Variants in MYOM1 observed in about 807,000 individuals in gnomAD.
MYOM1 encodes myomesin 1.
In MYOM1, 164 loss-of-function variants were observed where a neutral mutation model predicts 205.3. The ratio of observed to expected loss-of-function variants is 0.80; its 90% CI spans 0.70 to 0.91. MYOM1 has a LOEUF of 0.91. MYOM1 is among the 40% of genes least tolerant of loss of function. The probability of loss-of-function intolerance (pLI) is 0.00; values close to 1 mark genes in which losing one functional copy is unlikely to be tolerated. For missense variants in MYOM1, 2,011 were observed against 2,127.3 expected, an observed-to-expected ratio of 0.95 and a Z score of 1.08; for synonymous variants, 772 against 789.4, an observed-to-expected ratio of 0.98 and a Z score of 0.37.
At chr18:3,245,993 C>A in the MYOM1 span, 3 of 152,256 alleles carry the variant, frequency 2.0e-5, no homozygotes, top group Non-Finnish European at 4.4e-5. Context: ...AAAGCATAAG[C>A]CACAGCCCCC....
Position 3,067,174 on chromosome 18 carries a change from G to C in MYOM1, c.*88C>G. On this transcript the variant is annotated 3_prime_UTR_variant, in exon 38 of 38. Transcript: ENST00000356443. ...TCCCCTCAAGCCAGAAAATAATAGGGAGGAGAAAGCATGAAGACGTCTCAT... is the reference window on the plus strand; with the variant it reads ...TCCCCTCAAGCCAGAAAATAATAGGCAGGAGAAAGCATGAAGACGTCTCAT... The C allele has an allele frequency of 7.3e-7, 1 of 1,375,984 alleles. No homozygotes were observed. The highest frequency in any genetic ancestry group is 1.5e-5 in the South Asian group (1 of 68,274). 85.2% of individuals were successfully genotyped at this position (1,375,984 alleles called of 1,614,324 possible).
chr18:3,110,903 A>C (rs568918291), intron 22 of MYOM1, among the ~76,000 whole-genome samples: 2 of 151,120 alleles, frequency 1.3e-5, no homozygotes, highest in Non-Finnish European at 2.9e-5. Context: ...GTTCTAGCAG[A>C]TGAAAGAGAT....
intron 5 of MYOM1, among the ~76,000 whole-genome samples, chr18:3,186,109 T>C (rs1020662868): frequency 2.6e-5 from 4 of 152,018 alleles, no homozygotes; most frequent in African/African-American, 4.8e-5. Flanking sequence ...GGCAGGAGAA[T>C]TGCTTGAACC....
chr18:3,231,842 G>A, the MYOM1 span, among the ~76,000 whole-genome samples: 4 of 131,284 alleles, frequency 3.0e-5, no homozygotes, highest in African/African-American at 6.0e-5. Flanking sequence ...GCGCCCAGCC[G>A]CATCCTTTTT....
intron 19 of MYOM1, among the ~76,000 whole-genome samples, chr18:3,125,710 G>T (rs1299671837): frequency 6.6e-6 from 1 of 152,222 alleles, no homozygotes; most frequent in African/African-American, 2.4e-5. Flanking sequence ...CCTCATGGCA[G>T]AGGATTCTGT....
At chr18:3,240,171 C>T in the MYOM1 span, among the ~76,000 whole-genome samples, 1 of 152,194 alleles carries the variant, frequency 6.6e-6, no homozygotes, top group African/African-American at 2.4e-5. Flanking sequence ...TACGTTTATT[C>T]ATTAACGAAC....
At position 3,193,873 on chromosome 18, in the gene MYOM1, C is replaced by T. The variant is rs1172519421; in HGVS notation, c.376G>A (p.Gly126Arg). 1 of 1,613,882 alleles carries T rather than the reference C, an allele frequency of 6.2e-7. No homozygotes were observed. The highest frequency in any genetic ancestry group is 1.3e-5 in the African/African-American group (1 of 75,050). Residue 126 changes from glycine (G) to arginine (R), a missense_variant, in exon 3 of 38, where the codon GGA becomes AGA. Physicochemically the swap from Gly to Arg is moderately radical, Grantham distance 125. Transcript: ENST00000356443. ...CTGGGCAAATTTTCTTTCTCTTCTC[C>T]AGACAGTAGGCTGTGCTTGGCTCTC... ...PKRAKHSLLS[G>R]EEKENLPSDY...
the MYOM1 span, among the ~76,000 whole-genome samples, chr18:3,231,944 G>A: frequency 6.6e-6 from 1 of 150,400 alleles, no homozygotes; most frequent in Non-Finnish European, 1.5e-5. Context: ...ATGTTTGCTA[G>A]TGTAGATATT....
At chr18:3,227,378 T>C in the MYOM1 span, among the ~76,000 whole-genome samples, 3 of 152,068 alleles carry the variant, frequency 2.0e-5, no homozygotes, top group African/African-American at 7.2e-5. Flanking sequence ...CAAGGACAAA[T>C]AGTGTATGAT....
intron 1 of MYOM1, among the ~76,000 whole-genome samples, chr18:3,216,137 G>A (rs1178156584): frequency 6.6e-6 from 1 of 152,130 alleles, no homozygotes; most frequent in African/African-American, 2.4e-5. Context: ...GCATGGTGGT[G>A]GGCACCTGTA....
rs2080365384 is a variant in MYOM1 at position 3,160,072 on chromosome 18, TCTC to T, written c.1501+4203_1501+4205del. Reference sequence around the variant, plus strand: ...TCCTCCTCCTCCTCCTTCTTCTTCTTCTCTTCCTCCTCCTCCTTCTTCTCCTCC... The same window carrying T: ...TCCTCCTCCTCCTCCTTCTTCTTCTTTTCCTCCTCCTCCTTCTTCTCCTCC... On this transcript the variant is annotated intron_variant, in intron 10 of 37. Coordinates refer to ENST00000356443, the MANE Select transcript of MYOM1 (RefSeq NM_003803.4). Among the ~76,000 whole-genome samples the T allele has an allele frequency of 2.1e-5, 3 of 145,786 alleles. No homozygotes were observed. The South Asian group carries it at 6.7e-4, about 32-fold the overall frequency.
Position 3,126,806 on chromosome 18 carries a change from C to T in MYOM1, c.2886G>A (p.Gly962=). ...TCACATAATAGCCAGTAATTTCTGCCCCTCCAATCTTATCTGGTTGCTTCC... is the reference window on the plus strand; with the variant it reads ...TCACATAATAGCCAGTAATTTCTGCTCCTCCAATCTTATCTGGTTGCTTCC... ...LGWKQPDKIG[G]AEITGYYVNY... Residue 962 remains glycine (G), a synonymous_variant, in exon 19 of 38, where the codon GGG becomes GGA. Coordinates refer to ENST00000356443, the MANE Select transcript of MYOM1 (RefSeq NM_003803.4). 1 of 1,613,836 alleles carries T rather than the reference C, an allele frequency of 6.2e-7. No individual in the cohort carries two copies. Among genetic ancestry groups the T allele is most frequent in the Non-Finnish European group, 8.5e-7 (1 of 1,179,828 alleles).
At chr18:3,134,127 C>T (rs1012082131) in intron 16 of MYOM1, among the ~76,000 whole-genome samples, 2 of 151,466 alleles carry the variant, frequency 1.3e-5, no homozygotes, top group South Asian at 2.1e-4. Flanking sequence ...TCAAGCAATC[C>T]GCCCACCTTG....
intron 21 of MYOM1, among the ~76,000 whole-genome samples, 158 bp from the exon 22 acceptor site, chr18:3,112,570 C>G (rs8097874): frequency 6.6e-6 from 1 of 152,130 alleles, no homozygotes; most frequent in Admixed American, 6.5e-5. Context: ...TCAAACACTA[C>G]GCAGGTGACT....
rs188543522 is a variant in MYOM1 at position 3,132,942 on chromosome 18, C to T, written c.2385-1446G>A. Among the ~76,000 whole-genome samples, 79 of 152,134 alleles carry T rather than the reference C, an allele frequency of 5.2e-4. 1 individual carries two copies. In the East Asian group the frequency reaches 0.011, roughly 21 times the overall value. ...GTCTGCTAACGAATCTATGACTATT[C>T]GCATGTTCAAGTATTTAACAAAGGA... On this transcript the variant is annotated intron_variant, in intron 16 of 37. Coordinates refer to ENST00000356443, the MANE Select transcript of MYOM1 (RefSeq NM_003803.4).
At chr18:3,201,134 C>T (rs2081060962) in intron 2 of MYOM1, among the ~76,000 whole-genome samples, 1 of 152,172 alleles carries the variant, frequency 6.6e-6, no homozygotes, top group Non-Finnish European at 1.5e-5. Flanking sequence ...CGCAGTGGCT[C>T]ATGCCTGTAA....
At chr18:3,091,699 A>T (rs931667329) in intron 26 of MYOM1, among the ~76,000 whole-genome samples, 9 of 152,078 alleles carry the variant, frequency 5.9e-5, no homozygotes, top group African/African-American at 2.2e-4. Context: ...AGTTGTCTTT[A>T]GACTCTCACA....
intron 28 of MYOM1, 32 bp from the exon 29 acceptor site, chr18:3,089,273 C>G: frequency 6.6e-7 from 1 of 1,521,216 alleles, no homozygotes; most frequent in Non-Finnish European, 9.1e-7. Context: ...AGCAATTACT[C>G]TATTAATCAC....
At position 3,067,417 on chromosome 18, in the gene MYOM1, C is replaced by T. The variant is rs200773357; in HGVS notation, c.4903G>A (p.Gly1635Ser). 1,408 of 1,613,598 alleles carry T rather than the reference C, an allele frequency of 8.7e-4. 2 individuals are homozygous for T. Among genetic ancestry groups the T allele is most frequent in the Non-Finnish European group, 1.1e-3 (1,335 of 1,179,902 alleles). The change falls in exon 38 of 38, where the codon GGC (glycine) becomes AGC (serine). Residue 1635 changes from glycine to serine, a missense_variant. By Grantham distance (56) the Gly-to-Ser change is moderately conservative (BLOSUM62 0). Transcript: ENST00000356443. Reference sequence around the variant, plus strand: ...TTGCCCGAGTCAGCGGTGCTCACGCCGTTGATGGTGAAGTACGCGGTCCTC... The same window carrying T: ...TTGCCCGAGTCAGCGGTGCTCACGCTGTTGATGGTGAAGTACGCGGTCCTC... ...AGRTAYFTIN[G>S]VSTADSGKYG... is the part of the protein sequence containing the mutation.
Sources: gnomAD v4.1 joint callset for allele counts (sites outside exome capture counted in the v4.1 genomes callset) on GRCh38, gnomAD v4.1.1 for gene constraint, MANE v1.5 for transcripts, NCBI Gene and HGNC (gene_info 2026-07-23, HGNC 2026-07-21) for gene names.